Variants in LMF1 observed in about 807,000 individuals in gnomAD.
LMF1 encodes transmembrane protein 112.
Under a neutral mutation model 60.6 loss-of-function variants are expected in LMF1, and 68 were observed. That is an observed-to-expected ratio of 1.12 (90% CI 0.92 to 1.37). The LOEUF is 1.37. LMF1 is among the 40% of genes most tolerant of loss of function. The probability of loss-of-function intolerance (pLI) is 0.00; values close to 1 mark genes in which losing one functional copy is unlikely to be tolerated. For missense variants in LMF1, 948 were observed against 767.2 expected, an observed-to-expected ratio of 1.24 and a Z score of -2.78; for synonymous variants, 418 against 324.7, an observed-to-expected ratio of 1.29 and a Z score of -3.09.
At chr16:964,631 G>C (rs1024079869) in intron 1 of LMF1, among the ~76,000 whole-genome samples, 1 of 152,226 alleles carries the variant, frequency 6.6e-6, no homozygotes, top group Non-Finnish European at 1.5e-5. Flanking sequence ...TGAGCTCTTA[G>C]AGCCACTGAA....
In LMF1 at chr16:878,504, A is replaced by G. The variant is rs955884823; in HGVS notation, c.897+1066T>C. On this transcript the variant is annotated intron_variant, in intron 6 of 10. Coordinates refer to ENST00000262301, the MANE Select transcript of LMF1 (RefSeq NM_022773.4). This position sits in a 1 kb window ranked among gnomAD's most constrained non-coding sequence, Gnocchi z 5.2. ...GATACAGTAGCGCCCTTGAAAATAC[A>G]TCCACAGGATGACGAGATTGCACCT... Among the ~76,000 whole-genome samples the G allele has an allele frequency of 2.0e-5, 3 of 152,172 alleles. No individual in the cohort carries two copies. Among genetic ancestry groups the G allele is most frequent in the Admixed American group, 6.5e-5 (1 of 15,282 alleles).
chr16:880,956 T>C (rs534143635), intron 5 of LMF1, among the ~76,000 whole-genome samples: 3 of 152,266 alleles, frequency 2.0e-5, no homozygotes, highest in Non-Finnish European at 2.9e-5. Flanking sequence ...GCGGGAGCCA[T>C]TGGGCCTGGC....
In LMF1 at chr16:979,803, C is replaced by A. The variant is rs148753027; in HGVS notation, c.-135+1342G>T. ...GGGTGGAAGGTGGCACAGTTTGGACCGGACCCCCACCCTCACTGCTTCCAC... is the reference window on the plus strand; with the variant it reads ...GGGTGGAAGGTGGCACAGTTTGGACAGGACCCCCACCCTCACTGCTTCCAC... On this transcript the variant is annotated intron_variant, in intron 1 of 6. Transcript: ENST00000570014. 3.1e-3 allele frequency: 1,385 copies of A among 453,380 alleles called. 3 individuals are homozygous for A. Among genetic ancestry groups the A allele is most frequent in the Non-Finnish European group, 5.2e-3 (1,184 of 226,164 alleles). 28.1% of individuals were successfully genotyped at this position (453,380 alleles called of 1,614,324 possible). A position where few individuals can be genotyped will look rare whatever the true frequency, so the allele number is the denominator to read the frequency against.
intron 8 of LMF1, 31 bp from the exon 9 acceptor site, chr16:870,097 C>T (rs778161766): frequency 2.9e-5 from 46 of 1,592,118 alleles, no homozygotes; most frequent in Middle Eastern, 1.7e-4. Context: ...GCCAGGCCCA[C>T]GTCACACACC....
intron 4 of LMF1, among the ~76,000 whole-genome samples, chr16:896,425 T>C (rs1244940917): frequency 6.6e-6 from 1 of 151,546 alleles, no homozygotes; most frequent in Non-Finnish European, 1.5e-5. Flanking sequence ...CACCCGGGAG[T>C]GTTACTGTTT....
chr16:914,574 T>A, intron 3 of LMF1, among the ~76,000 whole-genome samples: 1 of 1,606 alleles, frequency 6.2e-4, no homozygotes, highest in Non-Finnish European at 1.5e-3. Flanking sequence ...ACTCCCTCTT[T>A]CCCTCCCTTC....
At chr16:950,062 G>GAGA (rs1248725768) in intron 2 of LMF1, among the ~76,000 whole-genome samples, 11 of 94,890 alleles carry the variant, frequency 1.2e-4, no homozygotes, top group East Asian at 2.9e-4. Context: ...GACAGAGTCA[G>GAGA]CCAACGACAG....
intron 2 of LMF1, among the ~76,000 whole-genome samples, chr16:943,650 C>T (rs971730145): frequency 6.9e-6 from 1 of 145,792 alleles, no homozygotes; most frequent in African/African-American, 2.6e-5. Flanking sequence ...TTGTTTGAAC[C>T]TGCGAGGTGG....
intron 4 of LMF1, among the ~76,000 whole-genome samples, chr16:910,231 G>A (rs796406153): frequency 6.6e-6 from 1 of 152,290 alleles, no homozygotes; most frequent in African/African-American, 2.4e-5. Context: ...CTGAACAGGG[G>A]GTTGGCATGT....
At chr16:920,446 C>G (rs990502752) in intron 3 of LMF1, among the ~76,000 whole-genome samples, 2 of 152,230 alleles carry the variant, frequency 1.3e-5, no homozygotes, top group Non-Finnish European at 2.9e-5. Flanking sequence ...AGAGCAAGAA[C>G]TAAAATCTCC....
chr16:926,442 T>C (rs1234782799), intron 3 of LMF1, among the ~76,000 whole-genome samples: 1 of 151,818 alleles, frequency 6.6e-6, no homozygotes, highest in African/African-American at 2.4e-5. Context: ...TGTGTGCTCG[T>C]GTGTTTGCAC....
chr16:921,968 A>G (rs2151767500), intron 3 of LMF1, among the ~76,000 whole-genome samples: 1 of 152,348 alleles, frequency 6.6e-6, no homozygotes, highest in South Asian at 2.1e-4. Flanking sequence ...AGGTGTTAGC[A>G]AGGTCTGGGC....
chr16:876,302 G>T (rs1596879410), intron 6 of LMF1, among the ~76,000 whole-genome samples: 1 of 152,256 alleles, frequency 6.6e-6, no homozygotes, highest in South Asian at 2.1e-4. Flanking sequence ...ATGTCCGGAA[G>T]AGGCAGTACC....
chr16:962,804 G>C lies in LMF1; in HGVS notation c.193+7984C>G, dbSNP rs1025649040. Reference sequence around the variant, plus strand: ...AAAAGCCATAGAGTCTGCAGTTTCAGTTAATAGTTTTATTTTTAATAAAAA... The same window carrying C: ...AAAAGCCATAGAGTCTGCAGTTTCACTTAATAGTTTTATTTTTAATAAAAA... On this transcript the variant is annotated intron_variant, in intron 1 of 10. Coordinates refer to ENST00000262301, the MANE Select transcript of LMF1 (RefSeq NM_022773.4). The surrounding 1 kb of genome is among the most constrained non-coding windows in gnomAD (Gnocchi z 4.5). Among the ~76,000 whole-genome samples, 2 of 152,176 alleles carry C rather than the reference G, an allele frequency of 1.3e-5. No individual in the cohort carries two copies. Among genetic ancestry groups the C allele is most frequent in the Admixed American group, 6.5e-5 (1 of 15,286 alleles).
chr16:919,113 C>T (rs1219956199), intron 3 of LMF1, among the ~76,000 whole-genome samples: 1 of 152,074 alleles, frequency 6.6e-6, no homozygotes, highest in African/African-American at 2.4e-5. Flanking sequence ...CAGGTGTTCC[C>T]CTCACCACAC....
chr16:931,861 A>G (rs4984720), intron 3 of LMF1: 459,976 of 1,233,630 alleles, frequency 0.37, 90,806 homozygotes, highest in African/African-American at 0.66. Context: ...ATTAACATTA[A>G]TGAGTCAACA....
At chr16:856,025 C>T (rs755320628) in intron 10 of LMF1, 2 of 452,766 alleles carry the variant, frequency 4.4e-6, no homozygotes, top group East Asian at 7.0e-5. Context: ...AAGACAGAGA[C>T]CCTCTGGGTG....
At chr16:974,505 G>A (rs2073099271), upstream of LMF1, among the ~76,000 whole-genome samples, 1 of 152,256 alleles carries the variant, frequency 6.6e-6, no homozygotes, top group African/African-American at 2.4e-5. Context: ...TGCTGGGGGA[G>A]AAGACGCTGA....
At chr16:973,883 G>A (rs911748418), upstream of LMF1, among the ~76,000 whole-genome samples, 5 of 151,874 alleles carry the variant, frequency 3.3e-5, no homozygotes, top group African/African-American at 9.7e-5. Flanking sequence ...GGTGGCGGGC[G>A]CCTGTAGTCC....
Sources: gnomAD v4.1 joint callset for allele counts (sites outside exome capture counted in the v4.1 genomes callset) on GRCh38, gnomAD v4.1.1 for gene constraint, Gnocchi (gnomAD v3.1) non-coding constraint, MANE v1.5 for transcripts, NCBI Gene and HGNC (gene_info 2026-07-23, HGNC 2026-07-21) for gene names.